MACF1: variants seen among roughly 807,000 people sequenced by gnomAD.
The protein encoded by MACF1 is microtubule actin crosslinking factor 1.
In MACF1, 193 loss-of-function variants were observed where a neutral mutation model predicts 854.8. The ratio of observed to expected loss-of-function variants is 0.23; its 90% CI spans 0.20 to 0.25. The LOEUF is 0.25. Among genes scored for constraint, MACF1 ranks in the 10% least tolerant of loss-of-function variants. MACF1 has a pLI of 1.00. For synonymous variants in MACF1, 3,185 were observed against 3,226.7 expected, an observed-to-expected ratio of 0.99 and a Z score of 0.44; for missense variants, 7,722 against 8,929.1, an observed-to-expected ratio of 0.86 and a Z score of 5.45.
intron 58 of MACF1, among the ~76,000 whole-genome samples, chr1:39,420,195 G>A (rs1643480514): frequency 1.3e-5 from 2 of 152,226 alleles, no homozygotes; most frequent in Non-Finnish European, 2.9e-5. Flanking sequence ...GAATTTAAAT[G>A]TCAGTTGTAG....
intron 34 of MACF1, 85 bp downstream of exon 34, chr1:39,324,430 C>A: frequency 6.7e-7 from 1 of 1,490,022 alleles, no homozygotes; most frequent in Non-Finnish European, 9.1e-7. Flanking sequence ...CACATGTGGG[C>A]CATTCCAGAA....
chr1:39,411,887 A>G, intron 58 of MACF1: 1 of 1,613,948 alleles, frequency 6.2e-7, no homozygotes, highest in Non-Finnish European at 8.5e-7. Flanking sequence ...GGATATTTTA[A>G]TACCCTGGAT....
At chr1:39,425,539 C>G (rs957617017) in intron 61 of MACF1, among the ~76,000 whole-genome samples, 2 of 152,114 alleles carry the variant, frequency 1.3e-5, no homozygotes, top group African/African-American at 4.8e-5. Flanking sequence ...CATTCAAAGC[C>G]CTCTATTTGA....
At chr1:39,311,777 T>C (rs1284836466) in intron 26 of MACF1, among the ~76,000 whole-genome samples, 1 of 152,214 alleles carries the variant, frequency 6.6e-6, no homozygotes, top group Non-Finnish European at 1.5e-5. Flanking sequence ...AAGATTGCTG[T>C]AGGAACTTAG....
rs1416948250 is a variant in MACF1 at position 39,441,317 on chromosome 1, A to G, written c.18664A>G (p.Thr6222Ala). The change falls in exon 74 of 101, where the codon ACT (threonine) becomes GCT (alanine). Residue 6222 changes from threonine to alanine, a missense_variant. Around this residue, in one of 15 missense-constraint regions of MACF1, gnomAD observed 2,807 missense variants for 3,235.8 expected, o/e 0.87. Coordinates refer to ENST00000564288, the MANE Select transcript of MACF1 (RefSeq NM_001394062.1). ...GCAAGCTGCTGTGCAGTATCAGGACACTCTTCAGGTGAGAGGCCAGGAGGT... is the reference window on the plus strand; with the variant it reads ...GCAAGCTGCTGTGCAGTATCAGGACGCTCTTCAGGTGAGAGGCCAGGAGGT... ...AMQAAVQYQD[T>A]LQAMFDWLDN... The G allele has an allele frequency of 1.2e-6, 2 of 1,613,410 alleles. No individual in the cohort carries two copies. The highest frequency in any genetic ancestry group is 2.7e-5 in the African/African-American group (2 of 74,874).
chr1:39,378,038 C>T (rs2148550801), intron 52 of MACF1, among the ~76,000 whole-genome samples: 1 of 151,918 alleles, frequency 6.6e-6, no homozygotes, highest in East Asian at 1.9e-4. Context: ...TTTTTCTGTC[C>T]TTAATGGTAT....
chr1:39,463,564 A>G (rs1257178148), intron 93 of MACF1, 48 bp from the exon 94 acceptor site: 1 of 1,288,698 alleles, frequency 7.8e-7, no homozygotes. Flanking sequence ...TCTGAATAGG[A>G]AGTTTTGCTC....
chr1:39,277,414 TTAAA>T (rs1245055599), intron 6 of MACF1, among the ~76,000 whole-genome samples: 13 of 152,234 alleles, frequency 8.5e-5, no homozygotes, highest in Non-Finnish European at 1.9e-4. Context: ...TACTAAATGC[TTAAA>T]TATACTGCTT....
In MACF1 at chr1:39,084,187, C is replaced by G. The variant is rs773804617; in HGVS notation, c.-32C>G. 1 of 1,600,204 alleles carries G rather than the reference C, an allele frequency of 6.2e-7. No individual in the cohort carries two copies. The highest frequency in any genetic ancestry group is 1.1e-5 in the South Asian group (1 of 90,852). On this transcript the variant is annotated 5_prime_UTR_variant, in exon 2 of 94. Transcript: ENST00000361689. This position sits in a 1 kb window ranked among gnomAD's most constrained non-coding sequence, Gnocchi z 5.2. ...TTCAGATCACTTCTCCCTGGGCTCC[C>G]AGGCCCTCCTGCAGCAGCCCCCGCC...
chr1:39,177,267 C>T (rs1290314803), intron 2 of MACF1, among the ~76,000 whole-genome samples: 1 of 152,172 alleles, frequency 6.6e-6, no homozygotes, highest in Non-Finnish European at 1.5e-5. Flanking sequence ...TCCTGAGTAG[C>T]ATGTGCCACC....
chr1:39,349,593 T>C lies in MACF1; in HGVS notation c.10931T>C (p.Leu3644Pro). 1 of 1,614,172 alleles carries C rather than the reference T, an allele frequency of 6.2e-7. No homozygotes were observed. The highest frequency in any genetic ancestry group is 8.5e-7 in the Non-Finnish European group (1 of 1,179,994). ...GHQGRTTQQD[L>P]SALQKNQSDL... ...CAAGGCAGAACCACCCAGCAGGATC[T>C]CTCTGCTTTGCAGAAGAACCAAAGT... The change falls in exon 42 of 101, where the codon CTC (leucine) becomes CCC (proline). Residue 3644 changes from leucine to proline, a missense_variant. By Grantham distance (98) the Leu-to-Pro change is moderately conservative. Transcript: ENST00000564288.
chr1:39,106,198 G>T (rs1002258765), intron 2 of MACF1, among the ~76,000 whole-genome samples: 7 of 152,134 alleles, frequency 4.6e-5, no homozygotes, highest in Admixed American at 4.6e-4. Context: ...AGGTTGGAAA[G>T]CACCTTGGTG....
Position 39,331,791 on chromosome 1 carries a change from G to A in MACF1, c.5203G>A (p.Gly1735Arg), listed in dbSNP as rs1257619121. The A allele has an allele frequency of 3.7e-6, 6 of 1,614,008 alleles. No individual in the cohort carries two copies. Among genetic ancestry groups the A allele is most frequent in the Non-Finnish European group, 5.1e-6 (6 of 1,180,024 alleles). ...ATTACTGCCTGTCAAACAATTGGCAGGGGGGATGGTGAGCTTGAAATCAGG... is the reference window on the plus strand; with the variant it reads ...ATTACTGCCTGTCAAACAATTGGCAAGGGGGATGGTGAGCTTGAAATCAGG... Reference protein sequence around the residue: ...FKLLPVKQLAGGMVSLKSGRK... With the variant: ...FKLLPVKQLARGMVSLKSGRK... Residue 1735 changes from glycine (G) to arginine (R), a missense_variant, in exon 37 of 101, where the codon GGG becomes AGG. By Grantham distance (125) the Gly-to-Arg change is moderately radical. This residue lies in a region of MACF1 where 1,531 missense variants were observed against 1,601.6 expected (regional missense o/e 0.96). Transcript: ENST00000564288.
chr1:39,339,750 C>T (rs889931404), intron 38 of MACF1, among the ~76,000 whole-genome samples: 2 of 152,166 alleles, frequency 1.3e-5, no homozygotes, highest in Admixed American at 1.3e-4. Flanking sequence ...GAACCAGTCC[C>T]CTAAAAACGT....
chr1:39,132,385 T>C (rs1376590028), intron 2 of MACF1, among the ~76,000 whole-genome samples: 3 of 152,158 alleles, frequency 2.0e-5, no homozygotes, highest in Non-Finnish European at 2.9e-5. Context: ...TTTCCCTGTA[T>C]CCATCAGTAA....
intron 1 of MACF1, among the ~76,000 whole-genome samples, chr1:39,208,093 A>G (rs1190427421): frequency 1.2e-4 from 18 of 150,952 alleles, no homozygotes; most frequent in Admixed American, 2.0e-4. Flanking sequence ...CGATCACACC[A>G]CTGTATTCCA....
chr1:39,366,172 T>C (rs1426701550), intron 49 of MACF1, among the ~76,000 whole-genome samples: 1 of 152,228 alleles, frequency 6.6e-6, no homozygotes, highest in African/African-American at 2.4e-5. Context: ...TCACCTTCAT[T>C]AGTTCTAGAG....
At position 39,324,197 on chromosome 1, in the gene MACF1, T is replaced by G. The variant is rs1193929333; in HGVS notation, c.4241T>G (p.Val1414Gly). ...ATTTTCTATTTCCTATTCTAGAAAG[T>G]GGTAGAAGAGGAGAAACAAGAACAT... ...ALRRLEEEEK[V>G]VEEEKQEHVE... The change falls in exon 34 of 101, where the codon GTG becomes GGG. Residue 1414 changes from valine (V) to glycine (G), a missense_variant. Val to Gly is a moderately radical substitution (Grantham distance 109). Around this residue, in one of 15 missense-constraint regions of MACF1, gnomAD observed 1,137 missense variants for 1,263.0 expected, o/e 0.90. Transcript: ENST00000564288. 1 of 1,599,870 alleles carries G rather than the reference T, an allele frequency of 6.3e-7. No individual in the cohort carries two copies.
At position 39,357,884 on chromosome 1, in the gene MACF1, C is replaced by T; in HGVS notation, c.11934C>T (p.Leu3978=). Residue 3978 remains leucine (L), a synonymous_variant, in exon 45 of 101, where the codon CTC becomes CTT. Transcript: ENST00000564288. ...LKDATERYTA[L]HSKCTRLGSH... ...ATGCAACAGAAAGATACACTGCTCT[C>T]CACTCAAAGGTAAGGGGGCAGTTCC... 1.2e-6 allele frequency: 2 copies of T among 1,610,032 alleles called. No individual in the cohort carries two copies. Among genetic ancestry groups the T allele is most frequent in the Non-Finnish European group, 1.7e-6 (2 of 1,178,062 alleles).
Sources: gnomAD v4.1 joint callset for allele counts (sites outside exome capture counted in the v4.1 genomes callset) on GRCh38, gnomAD v4.1.1 for gene constraint, gnomAD v4.1.1 regional missense constraint, Gnocchi (gnomAD v3.1) non-coding constraint, MANE v1.5 for transcripts, NCBI Gene and HGNC (gene_info 2026-07-23, HGNC 2026-07-21) for gene names.